RAF1: variants seen among roughly 807,000 people sequenced by gnomAD.
The protein encoded by RAF1 is Raf-1 proto-oncogene, serine/threonine kinase, also known as RAF proto-oncogene serine/threonine-protein kinase.
RAF1 carries 27 observed loss-of-function variants against 81.1 expected under a neutral mutation model. The ratio of observed to expected loss-of-function variants is 0.33; its 90% CI spans 0.25 to 0.46. The LOEUF is 0.46. Ranked by LOEUF, RAF1 falls within the 20% of genes least tolerant of loss-of-function variation. RAF1 has a pLI of 1.00. For missense variants in RAF1, 598 were observed against 826.0 expected (o/e 0.72, Z 3.38); for synonymous variants, 298 against 294.0 (o/e 1.01, Z -0.14).
At chr3:12,603,943 T>C (rs762731307) in intron 7 of RAF1, among the ~76,000 whole-genome samples, 193 bp downstream of exon 7, 27 of 152,222 alleles carry the variant, frequency 1.8e-4, no homozygotes, top group Admixed American at 9.2e-4. Flanking sequence ...AGTTCTCCAG[T>C]TGAATGATAT....
chr3:12,636,825 G>A, intron 1 of RAF1, among the ~76,000 whole-genome samples: 1 of 151,744 alleles, frequency 6.6e-6, no homozygotes, highest in East Asian at 1.9e-4. Flanking sequence ...AAGAAAGAAA[G>A]AAAAAATATT....
chr3:12,606,123 CTTA>C, intron 6 of RAF1, 75 bp downstream of exon 6: 1 of 1,089,770 alleles, frequency 9.2e-7, no homozygotes, highest in Non-Finnish European at 1.4e-6. Flanking sequence ...CGAAGAAACT[CTTA>C]TTTTTTGTCT....
intron 2 of RAF1, among the ~76,000 whole-genome samples, chr3:12,617,823 G>A (rs576089976): frequency 8.2e-4 from 122 of 148,418 alleles, no homozygotes; most frequent in African/African-American, 2.9e-3. Flanking sequence ...AACCCAGGAG[G>A]CAGAGGTTGC....
At chr3:12,652,545 T>C (rs990071851) in intron 1 of RAF1, among the ~76,000 whole-genome samples, 1 of 151,248 alleles carries the variant, frequency 6.6e-6, no homozygotes, top group African/African-American at 2.4e-5. Flanking sequence ...TCAAAACTTA[T>C]GCATATACTT....
Position 12,583,868 on chromosome 3 carries a change from C to G in RAF1, c.*646G>C. The G allele has an allele frequency of 4.3e-6, 1 of 235,028 alleles. No individual in the cohort carries two copies. Among genetic ancestry groups the G allele is most frequent in the Non-Finnish European group, 8.4e-6 (1 of 118,970 alleles). 14.6% of individuals were successfully genotyped at this position (235,028 alleles called of 1,614,324 possible). A position where few individuals can be genotyped will look rare whatever the true frequency, so the allele number is the denominator to read the frequency against. On this transcript the variant is annotated 3_prime_UTR_variant, in exon 18 of 18. Coordinates refer to ENST00000442415, the MANE Select transcript of RAF1 (RefSeq NM_001354689.3). ...AATTCAGCATGATGGAAGACTGCTCCCTGAGAGGGCTGAGATGCGGATTGG... is the reference window on the plus strand; with the variant it reads ...AATTCAGCATGATGGAAGACTGCTCGCTGAGAGGGCTGAGATGCGGATTGG...
chr3:12,585,601 G>T, intron 15 of RAF1, 80 bp downstream of exon 14: 5 of 1,406,644 alleles, frequency 3.6e-6, no homozygotes, highest in Non-Finnish European at 5.0e-6. Context: ...GTACAGAAAC[G>T]CTTTAAGTTT....
chr3:12,636,004 G>A (rs2060017470), intron 1 of RAF1, among the ~76,000 whole-genome samples: 1 of 150,928 alleles, frequency 6.6e-6, no homozygotes, highest in Admixed American at 6.6e-5. Context: ...GTTGTTTTTA[G>A]GCCAGGCGTG....
chr3:12,662,756 T>C (rs1156988152), intron 1 of RAF1, among the ~76,000 whole-genome samples: 1 of 152,044 alleles, frequency 6.6e-6, no homozygotes, highest in African/African-American at 2.4e-5. Flanking sequence ...AGAAGTCTCC[T>C]CGAGTGTAGA....
chr3:12,605,813 G>A (rs2059010243), intron 6 of RAF1, among the ~76,000 whole-genome samples: 1 of 152,124 alleles, frequency 6.6e-6, no homozygotes, highest in Non-Finnish European at 1.5e-5. Context: ...AAATGCATCG[G>A]CCACAACATG....
chr3:12,635,783 C>T (rs1184333031), intron 1 of RAF1, among the ~76,000 whole-genome samples: 2 of 150,488 alleles, frequency 1.3e-5, no homozygotes, highest in East Asian at 2.0e-4. Context: ...ACCATCCTGG[C>T]TAACACGGTG....
rs566373635 is a variant in RAF1, at chr3:12,584,247, C to T, written c.*267G>A. 7.8e-6 allele frequency: 4 copies of T among 515,010 alleles called. No individual in the cohort carries two copies. Among genetic ancestry groups the T allele is most frequent in the South Asian group, 2.1e-5 (1 of 46,742 alleles). The allele number at this position is 515,010 out of a possible 1,614,324, so 31.9% of individuals were successfully genotyped here. A position where few individuals can be genotyped will look rare whatever the true frequency, so the allele number is the denominator to read the frequency against. On this transcript the variant is annotated 3_prime_UTR_variant, in exon 18 of 18. Coordinates refer to ENST00000442415, the MANE Select transcript of RAF1 (RefSeq NM_001354689.3). ...TTGTACTACCATCAACATCCACTTG[C>T]GCATCTACAGAAGGCTGGGCCTTGA...
chr3:12,644,331 C>T (rs1016333290), intron 1 of RAF1, among the ~76,000 whole-genome samples: 5 of 152,230 alleles, frequency 3.3e-5, no homozygotes, highest in South Asian at 2.1e-4. Flanking sequence ...ATTTTATCAA[C>T]GTCTAGAGAA....
At position 12,603,205 on chromosome 3, in the gene RAF1, C is replaced by G. The variant is rs182484506; in HGVS notation, c.894+273G>C. Among the ~76,000 whole-genome samples the G allele has an allele frequency of 1.8e-4, 28 of 152,234 alleles. No homozygotes were observed. The East Asian group carries it at 4.8e-3, about 26-fold the overall frequency. On this transcript the variant is annotated intron_variant, in intron 8 of 17. Coordinates refer to ENST00000442415, the MANE Select transcript of RAF1 (RefSeq NM_001354689.3). The stretch of plus-strand genomic sequence containing the variant: ...CCTCCTGCCTTAGCCTCTGGAGTAG[C>G]TGGGACAACAGACATACACCGTCAT...
At chr3:12,591,049 A>G (rs1260698527) in intron 12 of RAF1, 75 bp from the exon 12 acceptor site, 26 of 1,417,168 alleles carry the variant, frequency 1.8e-5, no homozygotes, top group Non-Finnish European at 2.1e-5. Flanking sequence ...TCCCGTGGAC[A>G]GTGGGTTCTG....
At chr3:12,601,729 A>G (rs1242177488) in intron 8 of RAF1, among the ~76,000 whole-genome samples, 3 of 152,200 alleles carry the variant, frequency 2.0e-5, no homozygotes, top group Non-Finnish European at 4.4e-5. Context: ...CTCCCAAAAC[A>G]TAATTCGGAA....
chr3:12,603,138 A>G (rs191708619), intron 8 of RAF1, among the ~76,000 whole-genome samples: 12 of 152,222 alleles, frequency 7.9e-5, no homozygotes, highest in Admixed American at 5.2e-4. Flanking sequence ...CACAGGCACA[A>G]TTGTAGCTCC....
chr3:12,607,949 CAAAAAAAAA>C (rs58308841), intron 5 of RAF1, among the ~76,000 whole-genome samples: 2 of 66,846 alleles, frequency 3.0e-5, no homozygotes, highest in South Asian at 1.7e-3. Context: ...GACTTGTCTC[CAAAAAAAAA>C]AAAAAAAAAA....
At chr3:12,621,172 T>C (rs1251850626) in intron 1 of RAF1, among the ~76,000 whole-genome samples, 1 of 152,228 alleles carries the variant, frequency 6.6e-6, no homozygotes, top group Admixed American at 6.5e-5. Context: ...ACAGTATTAC[T>C]CTAGGTAGGA....
intron 1 of RAF1, among the ~76,000 whole-genome samples, chr3:12,625,600 C>G (rs1489407707): frequency 6.6e-6 from 1 of 152,130 alleles, no homozygotes; most frequent in East Asian, 1.9e-4. Flanking sequence ...AGCCACAGAA[C>G]TAAAATTGGA....
Sources: gnomAD v4.1 joint callset for allele counts (sites outside exome capture counted in the v4.1 genomes callset) on GRCh38, gnomAD v4.1.1 for gene constraint, MANE v1.5 for transcripts, NCBI Gene and HGNC (gene_info 2026-07-23, HGNC 2026-07-21) for gene names.